Variants in NEDD9 observed in about 807,000 individuals in gnomAD.
NEDD9 encodes enhancer of filamentation 1.
In NEDD9, 26 loss-of-function variants were observed where a neutral mutation model predicts 76.6. The ratio of observed to expected loss-of-function variants is 0.34; its 90% CI spans 0.25 to 0.47. The LOEUF (loss-of-function observed/expected upper bound fraction) is 0.47, where lower values mean the gene tolerates loss of function less well. NEDD9 is among the 20% of genes least tolerant of loss of function. NEDD9 has a pLI of 1.00. For missense variants in NEDD9, 937 were observed against 1,058.5 expected, an observed-to-expected ratio of 0.89 and a Z score of 1.59; for synonymous variants, 392 against 414.2, an observed-to-expected ratio of 0.95 and a Z score of 0.65.
rs373149276 is a variant in NEDD9, at chr6:11,355,939, T to C, written c.-213-21378A>G. ...GGTTTCACCGTGTTAGCCAGGATGG[T>C]CTCGATCTCCTGACCTCGTGATCTG... On this transcript the variant is annotated intron_variant, in intron 1 of 3. Transcript: ENST00000397378. Among the ~76,000 whole-genome samples, 42 of 152,218 alleles carry C rather than the reference T, an allele frequency of 2.8e-4. No individual in the cohort carries two copies. In the East Asian group the frequency reaches 6.0e-3, roughly 22 times the overall value.
chr6:11,188,347 T>C, intron 5 of NEDD9, 40 bp from the exon 6 acceptor site: 1 of 1,462,352 alleles, frequency 6.8e-7, no homozygotes, highest in Non-Finnish European at 9.6e-7. Context: ...ATGTCATCAC[T>C]GTGATTCACT....
chr6:11,317,610 T>C (rs1389274145), intron 2 of NEDD9, among the ~76,000 whole-genome samples: 2 of 152,056 alleles, frequency 1.3e-5, no homozygotes, highest in African/African-American at 4.8e-5. Context: ...AAGAAAATGA[T>C]GGGGACAGGC....
intron 1 of NEDD9, among the ~76,000 whole-genome samples, chr6:11,372,530 A>G (rs1252767581): frequency 2.0e-5 from 3 of 152,178 alleles, no homozygotes; most frequent in Non-Finnish European, 4.4e-5. Context: ...GGATTGCTGG[A>G]TCATATGACA....
At chr6:11,379,214 C>G (rs1038377257) in intron 1 of NEDD9, among the ~76,000 whole-genome samples, 1 of 152,204 alleles carries the variant, frequency 6.6e-6, no homozygotes, top group African/African-American at 2.4e-5. Flanking sequence ...CTAGTCTTCT[C>G]TTAATCAAAC....
At chr6:11,234,830 C>T (rs150396092), upstream of NEDD9, among the ~76,000 whole-genome samples, 148 of 151,880 alleles carry the variant, frequency 9.7e-4, no homozygotes, top group African/African-American at 3.5e-3. Flanking sequence ...ATTCCCTCAG[C>T]CTCCCGAGTA....
intron 1 of NEDD9, among the ~76,000 whole-genome samples, chr6:11,220,539 T>G (rs899596766): frequency 2.0e-5 from 3 of 152,192 alleles, no homozygotes; most frequent in Non-Finnish European, 4.4e-5. Flanking sequence ...GCGCCCTGTG[T>G]GTGGTTGTAG....
At chr6:11,345,415 A>G (rs1314628627) in intron 1 of NEDD9, among the ~76,000 whole-genome samples, 1 of 152,154 alleles carries the variant, frequency 6.6e-6, no homozygotes, top group Non-Finnish European at 1.5e-5. Flanking sequence ...GGTTCTCAGG[A>G]CAGCAATAGA....
At chr6:11,210,196 G>T (rs1758737674) in intron 2 of NEDD9, among the ~76,000 whole-genome samples, 1 of 152,090 alleles carries the variant, frequency 6.6e-6, no homozygotes, top group Admixed American at 6.5e-5. Context: ...TCAATAAGAT[G>T]CAGATTCCTG....
At chr6:11,359,975 A>C (rs929640131) in intron 1 of NEDD9, among the ~76,000 whole-genome samples, 1 of 152,246 alleles carries the variant, frequency 6.6e-6, no homozygotes, top group African/African-American at 2.4e-5. Flanking sequence ...ATTTCTGCCT[A>C]TATCATGAAA....
chr6:11,206,467 TTAAA>T (rs1351963379), intron 2 of NEDD9, among the ~76,000 whole-genome samples: 7 of 152,204 alleles, frequency 4.6e-5, no homozygotes, highest in Non-Finnish European at 1.0e-4. Flanking sequence ...TATCATGAAA[TTAAA>T]TAAATAAATT....
At chr6:11,308,455 C>T (rs1428935993) in intron 2 of NEDD9, among the ~76,000 whole-genome samples, 3 of 149,616 alleles carry the variant, frequency 2.0e-5, no homozygotes, top group Non-Finnish European at 3.0e-5. Flanking sequence ...CTGCAAGCTC[C>T]GCCTCCCAGG....
chr6:11,298,154 C>T (rs1018721476), intron 3 of NEDD9, among the ~76,000 whole-genome samples: 2 of 152,028 alleles, frequency 1.3e-5, no homozygotes, highest in African/African-American at 2.4e-5. Flanking sequence ...CTTATCTGCC[C>T]GCCTTGACCT....
intron 3 of NEDD9, chr6:11,249,113 C>G (rs759062193): frequency 4.4e-6 from 2 of 455,864 alleles, no homozygotes. Context: ...GATGTTTCTG[C>G]GAGGGTTTTT....
intron 1 of NEDD9, among the ~76,000 whole-genome samples, chr6:11,376,857 G>A (rs1428666044): frequency 6.6e-6 from 1 of 152,168 alleles, no homozygotes; most frequent in Non-Finnish European, 1.5e-5. Flanking sequence ...CCCATCAAAG[G>A]CCCAGAGGCT....
chr6:11,204,732 A>AAG (rs1269522094), intron 2 of NEDD9, among the ~76,000 whole-genome samples: 1 of 150,494 alleles, frequency 6.6e-6, no homozygotes, highest in Admixed American at 6.6e-5. Context: ...AAAAAAAAAA[A>AAG]AAAAAGAAAG....
At chr6:11,305,599 G>A (rs1174343389) in intron 3 of NEDD9, among the ~76,000 whole-genome samples, 1 of 152,218 alleles carries the variant, frequency 6.6e-6, no homozygotes, top group Non-Finnish European at 1.5e-5. Context: ...ATGGTTGAAG[G>A]TGACTGGCAA....
At chr6:11,350,802 A>T (rs1762452296) in intron 1 of NEDD9, among the ~76,000 whole-genome samples, 1 of 152,114 alleles carries the variant, frequency 6.6e-6, no homozygotes, top group African/African-American at 2.4e-5. Flanking sequence ...AGTGGTCGGG[A>T]TGCCCTGATA....
In NEDD9 at chr6:11,292,020, T is replaced by C. The variant is rs551901727; in HGVS notation, c.12+13972A>G. On this transcript the variant is annotated intron_variant, in intron 3 of 3. Coordinates refer to the NEDD9 transcript ENST00000397378. The stretch of plus-strand genomic sequence containing the variant: ...ATCTTTTTCATCATGTAATCAGAGA[T>C]AGTGATTAGGTCTGGGTGGTTATTG... Among the ~76,000 whole-genome samples the C allele has an allele frequency of 2.0e-4, 31 of 152,320 alleles. 1 individual carries two copies. In the South Asian group the frequency reaches 5.8e-3, roughly 29 times the overall value.
intron 2 of NEDD9, among the ~76,000 whole-genome samples, chr6:11,331,764 C>G (rs1242619729): frequency 1.3e-5 from 2 of 152,134 alleles, no homozygotes; most frequent in African/African-American, 4.8e-5. Context: ...GTCAATTAAA[C>G]CTCACGGGTA....
Sources: gnomAD v4.1 joint callset for allele counts (sites outside exome capture counted in the v4.1 genomes callset) on GRCh38, gnomAD v4.1.1 for gene constraint, MANE v1.5 for transcripts, NCBI Gene and HGNC (gene_info 2026-07-23, HGNC 2026-07-21) for gene names.